The following EPC1 variants were observed in gnomAD, a reference collection of about 807,000 sequenced individuals.
EPC1 encodes enhancer of polycomb 1.
Under a neutral mutation model 98.4 loss-of-function variants are expected in EPC1, and 12 were observed. The observed-to-expected ratio is 0.12, with a 90% confidence interval of 0.08 to 0.20. The LOEUF is 0.20. EPC1 is among the 10% of genes least tolerant of loss of function. The pLI is 1.00. For synonymous variants in EPC1, 357 were observed against 363.9 expected, an observed-to-expected ratio of 0.98 and a Z score of 0.21; for missense variants, 729 against 990.5, an observed-to-expected ratio of 0.74 and a Z score of 3.54.
intron 1 of EPC1, among the ~76,000 whole-genome samples, chr10:32,339,815 G>A (rs1004575917): frequency 6.6e-5 from 10 of 152,130 alleles, no homozygotes; most frequent in Non-Finnish European, 1.3e-4. Flanking sequence ...TAGCTCAGAA[G>A]ACTTAAGAAA....
chr10:32,325,116 T>C (rs1055658686), intron 1 of EPC1, among the ~76,000 whole-genome samples: 3 of 152,226 alleles, frequency 2.0e-5, no homozygotes, highest in African/African-American at 7.2e-5. Context: ...ATTCTCACTG[T>C]AGAACTTAAG....
At chr10:32,337,651 A>C (rs1254834629) in intron 1 of EPC1, among the ~76,000 whole-genome samples, 2 of 152,172 alleles carry the variant, frequency 1.3e-5, no homozygotes, top group African/African-American at 4.8e-5. Context: ...TGCCTGATGG[A>C]ACTTTGTAAC....
At chr10:32,347,305 C>T (rs1203643427), upstream of EPC1, 70 of 676,932 alleles carry the variant, frequency 1.0e-4, no homozygotes, top group Non-Finnish European at 1.2e-4. Context: ...GGCCTCGCTT[C>T]CCGCGCCTCG....
At chr10:32,318,171 A>C (rs1307632734) in intron 1 of EPC1, among the ~76,000 whole-genome samples, 10 of 152,230 alleles carry the variant, frequency 6.6e-5, no homozygotes, top group Non-Finnish European at 1.3e-4. Flanking sequence ...GCCGCAATCT[A>C]ATTGAATCAT....
chr10:32,347,782 G>A (rs928156291), upstream of EPC1, among the ~76,000 whole-genome samples: 6 of 152,238 alleles, frequency 3.9e-5, no homozygotes, highest in African/African-American at 1.2e-4. Flanking sequence ...ACTTTTATCA[G>A]CAGTTATTTT....
intron 1 of EPC1, among the ~76,000 whole-genome samples, chr10:32,355,509 C>T (rs1052481431): frequency 6.6e-6 from 1 of 151,016 alleles, no homozygotes; most frequent in Non-Finnish European, 1.5e-5. Context: ...TTGACTGGCA[C>T]ATACTGACAG....
intron 13 of EPC1, among the ~76,000 whole-genome samples, chr10:32,270,821 CAAAAAAAAA>C (rs55931034): frequency 1.7e-5 from 1 of 57,934 alleles, no homozygotes; most frequent in African/African-American, 6.8e-5. Flanking sequence ...GACTCGGTCT[CAAAAAAAAA>C]AAAAAAAAAA....
At chr10:32,328,407 T>A (rs1431652835) in intron 1 of EPC1, among the ~76,000 whole-genome samples, 1 of 152,206 alleles carries the variant, frequency 6.6e-6, no homozygotes, top group South Asian at 2.1e-4. Context: ...TTTAGACACA[T>A]TACAAGCTTG....
At chr10:32,344,551 C>T (rs924998895) in intron 1 of EPC1, among the ~76,000 whole-genome samples, 5 of 149,204 alleles carry the variant, frequency 3.4e-5, no homozygotes, top group African/African-American at 9.9e-5. Context: ...TTTGGGAGGT[C>T]GAGGCGGGCG....
At chr10:32,312,990 T>C (rs991473658) in intron 1 of EPC1, among the ~76,000 whole-genome samples, 2 of 152,196 alleles carry the variant, frequency 1.3e-5, no homozygotes, top group African/African-American at 4.8e-5. Flanking sequence ...GCTGTTTCAC[T>C]GAAGTACTAC....
chr10:32,326,840 C>T (rs1022165773), intron 1 of EPC1, among the ~76,000 whole-genome samples: 2 of 152,048 alleles, frequency 1.3e-5, no homozygotes, highest in African/African-American at 2.4e-5. Flanking sequence ...ATCGACACCA[C>T]AATAAAATTT....
rs114810473 is a variant in EPC1, at chr10:32,362,590, C to T, written c.3+15901G>A. On this transcript the variant is annotated intron_variant, in intron 1 of 13. Coordinates refer to the EPC1 transcript ENST00000375110. ...TGCCAGCATCGTGCCTCCCATAAAG[C>T]GTGCTGAAGCATGAGCCAATTAAAT... 3.2e-3 allele frequency among the ~76,000 whole-genome samples: 482 copies of T among 152,282 alleles called. 10 individuals carry two copies. Among genetic ancestry groups the T allele is most frequent in the Admixed American group, 0.022 (336 of 15,294 alleles).
intron 1 of EPC1, among the ~76,000 whole-genome samples, chr10:32,365,364 G>A (rs577529139): frequency 3.3e-5 from 5 of 149,376 alleles, no homozygotes; most frequent in Non-Finnish European, 5.9e-5. Context: ...CAATTAGTCT[G>A]ATAGTTTCAC....
chr10:32,316,627 A>G (rs925469415), intron 1 of EPC1, among the ~76,000 whole-genome samples: 4 of 152,244 alleles, frequency 2.6e-5, no homozygotes, highest in Non-Finnish European at 4.4e-5. Context: ...AAAAAATATC[A>G]TAACAGTAGT....
At chr10:32,355,407 A>G (rs968545547) in intron 1 of EPC1, among the ~76,000 whole-genome samples, 2 of 152,200 alleles carry the variant, frequency 1.3e-5, no homozygotes, top group Admixed American at 6.5e-5. Flanking sequence ...TCTTAGAAAA[A>G]TGTACAAATT....
chr10:32,364,819 G>A (rs751710304), intron 1 of EPC1, among the ~76,000 whole-genome samples: 10 of 151,940 alleles, frequency 6.6e-5, no homozygotes, highest in Non-Finnish European at 8.8e-5. Context: ...CCTGTGGCCT[G>A]TGGGACACAC....
intron 1 of EPC1, among the ~76,000 whole-genome samples, chr10:32,373,054 A>C (rs1307050991): frequency 1.3e-5 from 2 of 152,160 alleles, no homozygotes; most frequent in Non-Finnish European, 2.9e-5. Context: ...AAAGTTAGAG[A>C]ACACCAATTT....
intron 1 of EPC1, among the ~76,000 whole-genome samples, chr10:32,313,524 G>A (rs973721642): frequency 1.3e-5 from 2 of 152,224 alleles, no homozygotes. Flanking sequence ...TGAGACTATC[G>A]CTTTATCAGT....
In EPC1 at chr10:32,268,271, C is replaced by A. The variant is rs1261440974; in HGVS notation, c.*792G>T. On this transcript the variant is annotated 3_prime_UTR_variant, in exon 14 of 14. Transcript: ENST00000319778. ...TACTGGGCTGTTCGCAGAGCAGCAACATAATATTAGTGCTTTAAGTACCAG... is the reference window on the plus strand; with the variant it reads ...TACTGGGCTGTTCGCAGAGCAGCAAAATAATATTAGTGCTTTAAGTACCAG... 1 of 152,052 alleles carries A rather than the reference C, an allele frequency of 6.6e-6. No homozygotes were observed. The highest frequency in any genetic ancestry group is 1.5e-5 in the Non-Finnish European group (1 of 68,022). The allele number at this position is 152,052 out of a possible 1,614,324, so 9.4% of individuals were successfully genotyped here.
Sources: gnomAD v4.1 joint callset for allele counts (sites outside exome capture counted in the v4.1 genomes callset) on GRCh38, gnomAD v4.1.1 for gene constraint, MANE v1.5 for transcripts, NCBI Gene and HGNC (gene_info 2026-07-23, HGNC 2026-07-21) for gene names.